The following PDE7B variants were observed in gnomAD, a reference collection of about 807,000 sequenced individuals.
PDE7B encodes phosphodiesterase 7B.
PDE7B carries 29 observed loss-of-function variants against 56.2 expected under a neutral mutation model. That is an observed-to-expected ratio of 0.52 (90% CI 0.38 to 0.70). The LOEUF (loss-of-function observed/expected upper bound fraction) is 0.70. Ranked by LOEUF, PDE7B falls within the 30% of genes least tolerant of loss-of-function variation. PDE7B has a pLI of 0.00. For synonymous variants in PDE7B, 197 were observed against 196.9 expected, an observed-to-expected ratio of 1.00 and a Z score of 0.00; for missense variants, 490 against 565.0, an observed-to-expected ratio of 0.87 and a Z score of 1.35.
intron 3 of PDE7B, among the ~76,000 whole-genome samples, chr6:136,115,890 A>G (rs758929059): frequency 2.1e-4 from 32 of 152,182 alleles, no homozygotes; most frequent in Non-Finnish European, 4.0e-4. Flanking sequence ...TATCTGAACA[A>G]TTCCTTTTAA....
intron 3 of PDE7B, among the ~76,000 whole-genome samples, chr6:136,139,708 C>T (rs1778283911): frequency 6.6e-6 from 1 of 152,196 alleles, no homozygotes; most frequent in Non-Finnish European, 1.5e-5. Flanking sequence ...ATTTGCATTT[C>T]TCTGATGGCC....
intron 1 of PDE7B, among the ~76,000 whole-genome samples, chr6:135,856,078 C>T (rs947683245): frequency 2.0e-5 from 3 of 152,204 alleles, no homozygotes; most frequent in Non-Finnish European, 4.4e-5. Flanking sequence ...TTCCTTATTT[C>T]CACTACTCTC....
At position 136,038,053 on chromosome 6, in the gene PDE7B, G is replaced by A. The variant is rs182987810; in HGVS notation, c.83-70678G>A. On this transcript the variant is annotated intron_variant, in intron 2 of 12. Coordinates refer to ENST00000308191, the MANE Select transcript of PDE7B (RefSeq NM_018945.4). ...AAACCTAGGGAAGTGAATCGCTCTC[G>A]TCGGCAGTGTTTGTGGAGGGCCTGA... The A allele has an allele frequency of 1.8e-4, 234 of 1,336,166 alleles. No individual in the cohort carries two copies. The African/African-American group carries it at 2.9e-3, about 16-fold the overall frequency. 82.8% of individuals were successfully genotyped at this position (1,336,166 alleles called of 1,614,324 possible). A position where few individuals can be genotyped will look rare whatever the true frequency, so the allele number is the denominator to read the frequency against.
chr6:135,952,368 T>C (rs557481883), intron 2 of PDE7B, among the ~76,000 whole-genome samples: 45 of 152,306 alleles, frequency 3.0e-4, no homozygotes, highest in African/African-American at 1.1e-3. Context: ...TCTTCAAAAT[T>C]GCATGGTGCC....
chr6:136,003,511 A>G (rs1260019066), intron 2 of PDE7B, among the ~76,000 whole-genome samples: 1 of 152,218 alleles, frequency 6.6e-6, no homozygotes, highest in Non-Finnish European at 1.5e-5. Flanking sequence ...AAAAAATGAT[A>G]AAGGGGATAT....
Position 136,155,675 on chromosome 6 carries a change from G to T in PDE7B, c.628G>T (p.Ala210Ser). ...PLDIMLGLLAAAAHDVDHPGV... is the reference protein window; with the variant it reads ...PLDIMLGLLASAAHDVDHPGV... ...GGACATCATGCTTGGACTGCTGGCT[G>T]CAGCAGCACACGATGTGGACCACCC... is the stretch of plus-strand genomic sequence containing the variant. Residue 210 changes from alanine to serine, a missense_variant, in exon 8 of 13, where the codon GCA (alanine) becomes TCA (serine). Ala to Ser is a moderately conservative substitution (Grantham distance 99). Coordinates refer to ENST00000308191, the MANE Select transcript of PDE7B (RefSeq NM_018945.4). 3 of 1,613,236 alleles carry T rather than the reference G, an allele frequency of 1.9e-6. No individual in the cohort carries two copies. The highest frequency in any genetic ancestry group is 2.5e-6 in the Non-Finnish European group (3 of 1,179,236).
At chr6:135,953,774 A>G (rs1351723729) in intron 2 of PDE7B, among the ~76,000 whole-genome samples, 1 of 152,166 alleles carries the variant, frequency 6.6e-6, no homozygotes, top group African/African-American at 2.4e-5. Flanking sequence ...TAGGTTATGA[A>G]AGAAATATTA....
intron 11 of PDE7B, among the ~76,000 whole-genome samples, chr6:136,184,621 G>GT (rs1779116996): frequency 6.6e-6 from 1 of 152,150 alleles, no homozygotes; most frequent in Non-Finnish European, 1.5e-5. Context: ...ACCCTGCCTT[G>GT]TAGACCAGCT....
chr6:136,170,112 T>C (rs985713721), intron 8 of PDE7B, among the ~76,000 whole-genome samples: 1 of 152,176 alleles, frequency 6.6e-6, no homozygotes, highest in Non-Finnish European at 1.5e-5. Flanking sequence ...GGAGCATTGA[T>C]TGTGTCACTA....
intron 1 of PDE7B, among the ~76,000 whole-genome samples, chr6:135,908,934 CCAGTACCTAGA>C (rs1293461398): frequency 7.2e-5 from 11 of 152,166 alleles, no homozygotes; most frequent in Non-Finnish European, 1.2e-4. Context: ...CCTGGTATCT[CCAGTACCTAGA>C]AATATTTGCC....
At chr6:135,936,767 C>T (rs1237987436) in intron 1 of PDE7B, among the ~76,000 whole-genome samples, 1 of 152,190 alleles carries the variant, frequency 6.6e-6, no homozygotes, top group Non-Finnish European at 1.5e-5. Flanking sequence ...CTTCCAGGAT[C>T]CAGAGGCCTG....
At chr6:136,174,104 C>T (rs1314100895) in intron 9 of PDE7B, among the ~76,000 whole-genome samples, 1 of 152,146 alleles carries the variant, frequency 6.6e-6, no homozygotes, top group Non-Finnish European at 1.5e-5. Flanking sequence ...CTTGCAGAGT[C>T]AATGACCTAC....
At chr6:135,950,439 C>A (rs2018447) in intron 2 of PDE7B, among the ~76,000 whole-genome samples, 61,201 of 151,924 alleles carry the variant, frequency 0.4, 12,519 homozygotes, top group Admixed American at 0.53. Context: ...TTTTATAAGC[C>A]CTGCCAACCA....
In PDE7B at chr6:136,106,859, A is replaced by AT. The variant is rs559412150; in HGVS notation, c.83-1864dup. On this transcript the variant is annotated intron_variant, in intron 2 of 12. Coordinates refer to ENST00000308191, the MANE Select transcript of PDE7B (RefSeq NM_018945.4). ...ACCCCATATTAAAGTACATAAGTAC[A>AT]TTTTTTTTAAAGCTAACAGCTTTAC... 8.5e-5 allele frequency among the ~76,000 whole-genome samples: 13 copies of AT among 152,132 alleles called. 1 individual carries two copies. In the South Asian group the frequency reaches 1.0e-3, roughly 12 times the overall value.
chr6:135,865,706 G>A (rs1297286087), intron 1 of PDE7B, among the ~76,000 whole-genome samples: 1 of 151,862 alleles, frequency 6.6e-6, no homozygotes, highest in Non-Finnish European at 1.5e-5. Context: ...GAGGCCTAGT[G>A]TGATGTTATC....
chr6:136,122,744 T>C (rs1777958051), intron 3 of PDE7B, among the ~76,000 whole-genome samples: 1 of 151,562 alleles, frequency 6.6e-6, no homozygotes, highest in East Asian at 2.0e-4. Flanking sequence ...TGTAAATTAT[T>C]ATCCTCAAGT....
chr6:136,164,729 A>G (rs1778766384), intron 8 of PDE7B, among the ~76,000 whole-genome samples: 1 of 152,196 alleles, frequency 6.6e-6, no homozygotes. Context: ...ATGACAATAA[A>G]AGATTTTCAC....
chr6:136,048,999 T>C (rs1583849212), intron 2 of PDE7B: 2 of 152,374 alleles, frequency 1.3e-5, no homozygotes, highest in South Asian at 4.1e-4. Context: ...CATGTTCATC[T>C]CTTCCCCAAA....
intron 12 of PDE7B, among the ~76,000 whole-genome samples, chr6:136,190,390 C>G (rs1406991641): frequency 6.6e-6 from 1 of 152,210 alleles, no homozygotes; most frequent in African/African-American, 2.4e-5. Context: ...TGTATTGCTG[C>G]ATCCCTCTTC....
Sources: gnomAD v4.1 joint callset for allele counts (sites outside exome capture counted in the v4.1 genomes callset) on GRCh38, gnomAD v4.1.1 for gene constraint, MANE v1.5 for transcripts, NCBI Gene and HGNC (gene_info 2026-07-23, HGNC 2026-07-21) for gene names.